NFIA: variants seen among roughly 807,000 people sequenced by gnomAD.
NFIA encodes the protein nuclear factor 1 A-type.
A neutral mutation model predicts 62.8 loss-of-function variants in NFIA; 8 were observed. The observed-to-expected ratio is 0.13, with a 90% CI of 0.07 to 0.23. NFIA has a LOEUF of 0.23. NFIA is among the 10% of genes least tolerant of loss of function. The pLI is 1.00. For synonymous variants in NFIA, 235 were observed against 238.1 expected, an observed-to-expected ratio of 0.99 and a Z score of 0.12; for missense variants, 410 against 642.1, an observed-to-expected ratio of 0.64 and a Z score of 3.91.
At chr1:61,412,397 C>T (rs528999229) in intron 9 of NFIA, among the ~76,000 whole-genome samples, 1 of 152,224 alleles carries the variant, frequency 6.6e-6, no homozygotes, top group South Asian at 2.1e-4. Context: ...TGACCTGCAC[C>T]AACGTGGGAG....
chr1:61,284,546 A>G (rs1211134740), intron 3 of NFIA, among the ~76,000 whole-genome samples: 1 of 151,870 alleles, frequency 6.6e-6, no homozygotes, highest in Non-Finnish European at 1.5e-5. Flanking sequence ...CAGTGTACTT[A>G]AGGCGCCTTT....
chr1:61,333,271 TAA>T (rs1661407117), intron 4 of NFIA, among the ~76,000 whole-genome samples: 1 of 152,206 alleles, frequency 6.6e-6, no homozygotes, highest in African/African-American at 2.4e-5. Flanking sequence ...TTTACATGGT[TAA>T]AATTGGTTTT....
At chr1:61,304,003 G>A (rs1022225478) in intron 3 of NFIA, among the ~76,000 whole-genome samples, 17 of 152,096 alleles carry the variant, frequency 1.1e-4, no homozygotes, top group Admixed American at 6.5e-4. Context: ...GGCCGGGCGC[G>A]GTGGCTCACG....
chr1:61,349,499 G>A (rs1342419820), intron 4 of NFIA, among the ~76,000 whole-genome samples: 1 of 152,074 alleles, frequency 6.6e-6, no homozygotes, highest in Non-Finnish European at 1.5e-5. Flanking sequence ...CTAATCGTGG[G>A]AGTTATCCCA....
chr1:61,238,994 ATTTATT>A lies in NFIA; in HGVS notation c.560-38523_560-38518del, dbSNP rs1325148447. Among the ~76,000 whole-genome samples, 3 of 152,316 alleles carry A rather than the reference ATTTATT, an allele frequency of 2.0e-5. No individual in the cohort carries two copies. The East Asian group carries it at 5.8e-4, about 29-fold the overall frequency. On this transcript the variant is annotated intron_variant, in intron 2 of 10. Coordinates refer to ENST00000403491, the MANE Select transcript of NFIA (RefSeq NM_001134673.4). ...GATTTTTCTTTGAAAAATTTACAAT[ATTTATT>A]TTCCTTCTTCACAGCAAAAGCAAAT...
At chr1:61,195,569 A>G (rs935170100) in intron 2 of NFIA, among the ~76,000 whole-genome samples, 1 of 152,128 alleles carries the variant, frequency 6.6e-6, no homozygotes, top group African/African-American at 2.4e-5. Flanking sequence ...TTAAAATGTA[A>G]TTTGGCTACC....
intron 6 of NFIA, 43 bp from the exon 7 acceptor site, chr1:61,383,194 T>C: frequency 1.2e-6 from 2 of 1,607,780 alleles, no homozygotes; most frequent in South Asian, 1.1e-5. Flanking sequence ...AAATCATTGT[T>C]CCATGAATTA....
intron 1 of NFIA, among the ~76,000 whole-genome samples, chr1:61,085,344 A>T: frequency 6.6e-6 from 1 of 152,194 alleles, no homozygotes; most frequent in East Asian, 1.9e-4. Flanking sequence ...ATCAGCATTC[A>T]GTGGTTCTTA....
intron 3 of NFIA, among the ~76,000 whole-genome samples, chr1:61,311,822 A>C (rs530916024): frequency 1.1e-3 from 160 of 152,336 alleles, no homozygotes; most frequent in Non-Finnish European, 1.4e-3. Context: ...GTATAGTCTT[A>C]ACCGTTAATG....
intron 9 of NFIA, among the ~76,000 whole-genome samples, chr1:61,422,264 A>G (rs1485811393): frequency 1.3e-5 from 2 of 152,296 alleles, no homozygotes; most frequent in East Asian, 1.9e-4. Context: ...CTCCATCTCA[A>G]AAAAATAAAG....
chr1:61,338,871 A>G (rs1439205107), intron 4 of NFIA, among the ~76,000 whole-genome samples: 2 of 152,236 alleles, frequency 1.3e-5, no homozygotes, highest in East Asian at 1.9e-4. Context: ...TTCCTGTGTT[A>G]AGTAACACGA....
intron 2 of NFIA, among the ~76,000 whole-genome samples, chr1:61,176,301 T>A (rs938270090): frequency 6.6e-6 from 1 of 152,322 alleles, no homozygotes; most frequent in Admixed American, 6.5e-5. Context: ...CCATTTTTTT[T>A]ATTATAAATG....
intron 10 of NFIA, among the ~76,000 whole-genome samples, chr1:61,427,365 T>G (rs2100555281): frequency 6.6e-6 from 1 of 152,342 alleles, no homozygotes; most frequent in South Asian, 2.1e-4. Context: ...CGTTTTGAAA[T>G]AAACTCTCTG....
At chr1:61,258,540 T>C (rs967167784) in intron 2 of NFIA, among the ~76,000 whole-genome samples, 2 of 152,178 alleles carry the variant, frequency 1.3e-5, no homozygotes, top group Admixed American at 1.3e-4. Flanking sequence ...CTTCCTCATA[T>C]GTGTACTGAA....
chr1:61,300,106 T>A (rs1262969810), intron 3 of NFIA, among the ~76,000 whole-genome samples: 1 of 152,126 alleles, frequency 6.6e-6, no homozygotes, highest in Non-Finnish European at 1.5e-5. Flanking sequence ...AAAATTTTTT[T>A]AACTTGTTTC....
At chr1:61,390,937 C>G (rs1029101453) in intron 7 of NFIA, among the ~76,000 whole-genome samples, 1 of 152,222 alleles carries the variant, frequency 6.6e-6, no homozygotes, top group Non-Finnish European at 1.5e-5. Context: ...GAAGTTCTTT[C>G]CTTCTCCACT....
At chr1:61,314,266 A>G (rs1486353717) in intron 3 of NFIA, among the ~76,000 whole-genome samples, 1 of 152,058 alleles carries the variant, frequency 6.6e-6, no homozygotes, top group Non-Finnish European at 1.5e-5. Context: ...ACCACATTGT[A>G]TTGTAATGCT....
chr1:61,114,967 GTTGTTTGTTTTGTT>G (rs1557575605), intron 2 of NFIA, among the ~76,000 whole-genome samples: 2 of 152,012 alleles, frequency 1.3e-5, no homozygotes, highest in East Asian at 3.9e-4. Context: ...TATATTTGTT[GTTGTTTGTTTTGTT>G]TTGTTTTTGT....
At chr1:61,311,673 C>A (rs1031568201) in intron 3 of NFIA, among the ~76,000 whole-genome samples, 9 of 152,114 alleles carry the variant, frequency 5.9e-5, no homozygotes, top group Non-Finnish European at 2.9e-5. Flanking sequence ...CCCCAACTGA[C>A]AATCATCAAA....
Sources: allele counts gnomAD v4.1 joint callset (sites outside exome capture counted in the v4.1 genomes callset), GRCh38; gene constraint gnomAD v4.1.1; transcripts MANE v1.5; gene names NCBI Gene and HGNC (gene_info 2026-07-23, HGNC 2026-07-21).